MTMR9: variants seen among roughly 807,000 people sequenced by gnomAD.
The protein encoded by MTMR9 is myotubularin related protein 9.
A neutral mutation model predicts 69.5 loss-of-function variants in MTMR9; 39 were observed. The ratio of observed to expected loss-of-function variants is 0.56; its 90% CI spans 0.43 to 0.73. The LOEUF is 0.73. Among genes scored for constraint, MTMR9 ranks in the 30% least tolerant of loss-of-function variants. The pLI is 0.00. For synonymous variants in MTMR9, 354 were observed against 240.8 expected, an observed-to-expected ratio of 1.47 and a Z score of -4.35; for missense variants, 900 against 671.2, an observed-to-expected ratio of 1.34 and a Z score of -3.77.
intron 9 of MTMR9, chr8:11,321,616 GCTCT>G (rs1401481528): frequency 1.7e-5 from 7 of 407,928 alleles, no homozygotes; most frequent in Non-Finnish European, 3.0e-5. Flanking sequence ...AGAAGAAGAA[GCTCT>G]CTATTAGGTA....
At position 11,288,090 on chromosome 8, in the gene MTMR9, TATAATTATTCACCTAATTATATTAA is replaced by T. The variant is rs958648181; in HGVS notation, c.182+3037_182+3061del. ...TATTATATTTCACCTATATAATATATATAATTATTCACCTAATTATATTAAATAATTATTCACCTAAATATTCACC... is the reference window on the plus strand; with the variant it reads ...TATTATATTTCACCTATATAATATATATAATTATTCACCTAAATATTCACC... On this transcript the variant is annotated intron_variant, in intron 1 of 9. Coordinates refer to ENST00000221086, the MANE Select transcript of MTMR9 (RefSeq NM_015458.4). Among the ~76,000 whole-genome samples, 9 of 131,258 alleles carry T rather than the reference TATAATTATTCACCTAATTATATTAA, an allele frequency of 6.9e-5. No individual in the cohort carries two copies. In the East Asian group the frequency reaches 1.0e-3, roughly 15 times the overall value. The allele number at this position is 131,258 out of a possible 152,430, so 86.1% of individuals were successfully genotyped here. A position where few individuals can be genotyped will look rare whatever the true frequency, so the allele number is the denominator to read the frequency against.
intron 6 of MTMR9, among the ~76,000 whole-genome samples, chr8:11,311,515 A>G (rs1054298024): frequency 1.3e-5 from 2 of 152,260 alleles, no homozygotes; most frequent in African/African-American, 2.4e-5. Flanking sequence ...TGTTTACACT[A>G]TAATGCAGTC....
intron 1 of MTMR9, among the ~76,000 whole-genome samples, chr8:11,289,651 G>T (rs555935237): frequency 1.3e-5 from 2 of 152,038 alleles, no homozygotes; most frequent in African/African-American, 2.4e-5. Context: ...AGGCAACCAC[G>T]TTAGTTGTTG....
chr8:11,313,445 T>C (rs1208890562), intron 6 of MTMR9, among the ~76,000 whole-genome samples: 3 of 152,248 alleles, frequency 2.0e-5, no homozygotes, highest in African/African-American at 7.2e-5. Flanking sequence ...CTCCTTTGCA[T>C]TCACAACTTG....
chr8:11,330,193 G>A (rs1801151738), downstream of MTMR9, among the ~76,000 whole-genome samples: 1 of 151,684 alleles, frequency 6.6e-6, no homozygotes, highest in African/African-American at 2.4e-5. Flanking sequence ...CGTCCGGGAG[G>A]GAGGTGGGGG....
chr8:11,299,635 A>G (rs887913006), intron 2 of MTMR9, among the ~76,000 whole-genome samples: 21 of 152,232 alleles, frequency 1.4e-4, no homozygotes, highest in African/African-American at 5.1e-4. Context: ...TTTAGGTAAT[A>G]ACTGGATTTT....
chr8:11,316,467 A>G (rs1035068374), intron 7 of MTMR9: 4 of 410,810 alleles, frequency 9.7e-6, no homozygotes, highest in Admixed American at 4.1e-5. Context: ...AGCCTCATTA[A>G]GGATTTGGAA....
intron 1 of MTMR9, among the ~76,000 whole-genome samples, chr8:11,286,495 T>C (rs1023394007): frequency 1.3e-5 from 2 of 151,236 alleles, no homozygotes; most frequent in Non-Finnish European, 2.9e-5. Flanking sequence ...TGAAAGCCCG[T>C]CTCTACTAAA....
chr8:11,327,796 C>G lies in MTMR9; in HGVS notation c.*5008C>G, dbSNP rs1389238248. On this transcript the variant is annotated 3_prime_UTR_variant, in exon 10 of 10. Coordinates refer to ENST00000221086, the MANE Select transcript of MTMR9 (RefSeq NM_015458.4). ...AAGAGTGCTGTAAGGTACAGGTTTC[C>G]ATATTGTGAACCTGTGTACGCACAC... 2 of 152,356 alleles carry G rather than the reference C, an allele frequency of 1.3e-5. No homozygotes were observed. The highest frequency in any genetic ancestry group is 3.8e-4 in the East Asian group (2 of 5,196). 9.4% of individuals were successfully genotyped at this position (152,356 alleles called of 1,614,324 possible).
chr8:11,309,017 G>T (rs1310633014), intron 5 of MTMR9, among the ~76,000 whole-genome samples: 1 of 152,020 alleles, frequency 6.6e-6, no homozygotes, highest in African/African-American at 2.4e-5. Context: ...TCCCCATATC[G>T]ACCTATTTTC....
chr8:11,315,171 A>T, intron 7 of MTMR9, 107 bp downstream of exon 7: 1 of 1,385,072 alleles, frequency 7.2e-7, no homozygotes, highest in South Asian at 1.3e-5. Context: ...TAAAATTTCT[A>T]AGTTGTGTGT....
chr8:11,292,659 C>T (rs1042383042), intron 1 of MTMR9, among the ~76,000 whole-genome samples: 3 of 152,118 alleles, frequency 2.0e-5, no homozygotes, highest in African/African-American at 7.2e-5. Flanking sequence ...AAGTGACCAT[C>T]CATATAGTTT....
At chr8:11,313,032 G>T (rs879482926) in intron 6 of MTMR9, among the ~76,000 whole-genome samples, 1 of 152,224 alleles carries the variant, frequency 6.6e-6, no homozygotes, top group African/African-American at 2.4e-5. Context: ...AGGCTTCATT[G>T]TTCCATTTAT....
chr8:11,307,810 AT>A (rs917977112), intron 5 of MTMR9, among the ~76,000 whole-genome samples: 6 of 145,494 alleles, frequency 4.1e-5, no homozygotes, highest in African/African-American at 1.0e-4. Context: ...GATGCAGAGC[AT>A]TTTTTTTTTC....
In MTMR9 at chr8:11,316,842, A is replaced by G. The variant is rs1044004612; in HGVS notation, c.1283A>G (p.His428Arg). The change falls in exon 8 of 10, where the codon CAT becomes CGT. Residue 428 changes from histidine to arginine, a missense_variant. Transcript: ENST00000221086. Reference protein sequence around the residue: ...NENFLIMLFEHAYASQFGTFL... With the variant: ...NENFLIMLFERAYASQFGTFL... ...AATTTCCTCATCATGCTCTTTGAGC[A>G]TGCTTATGCCTCACAGTTTGGAACA... 7.4e-6 allele frequency: 12 copies of G among 1,613,226 alleles called. No individual in the cohort carries two copies. The highest frequency in any genetic ancestry group is 3.3e-5 in the Admixed American group (2 of 59,922).
chr8:11,310,017 A>G (rs1300539200), intron 6 of MTMR9, among the ~76,000 whole-genome samples: 1 of 152,144 alleles, frequency 6.6e-6, no homozygotes, highest in Non-Finnish European at 1.5e-5. Context: ...AATGAAAGGA[A>G]GTTTTCTTAT....
intron 6 of MTMR9, among the ~76,000 whole-genome samples, chr8:11,312,798 T>C (rs1265164343): frequency 6.6e-6 from 1 of 152,202 alleles, no homozygotes; most frequent in Non-Finnish European, 1.5e-5. Context: ...ACTTGAAAGC[T>C]GAAATTACTC....
chr8:11,299,428 T>C (rs1171696488), intron 2 of MTMR9, among the ~76,000 whole-genome samples: 2 of 152,206 alleles, frequency 1.3e-5, no homozygotes, highest in East Asian at 3.8e-4. Context: ...CACTATGAAG[T>C]AGGTATGTTA....
intron 2 of MTMR9, chr8:11,298,718 G>GCCCCCCC: frequency 1.3e-6 from 1 of 798,988 alleles, no homozygotes; most frequent in African/African-American, 2.4e-5. Context: ...TTTCCCCGCT[G>GCCCCCCC]CACCCCCCCC....
Sources: gnomAD v4.1 joint callset for allele counts (sites outside exome capture counted in the v4.1 genomes callset) on GRCh38, gnomAD v4.1.1 for gene constraint, MANE v1.5 for transcripts, NCBI Gene and HGNC (gene_info 2026-07-23, HGNC 2026-07-21) for gene names.